THBS4: variants seen among roughly 807,000 people sequenced by gnomAD.
The protein encoded by THBS4 is thrombospondin-4.
In THBS4, 90 loss-of-function variants were observed where a neutral mutation model predicts 115.7. The observed-to-expected ratio is 0.78, with a 90% CI of 0.66 to 0.93. The LOEUF (loss-of-function observed/expected upper bound fraction) is 0.93. THBS4 is among the 40% of genes least tolerant of loss of function. THBS4 has a pLI of 0.00. For synonymous variants in THBS4, 460 were observed against 479.3 expected (o/e 0.96, Z 0.53); for missense variants, 1,087 against 1,232.7 (o/e 0.88, Z 1.77).
chr5:80,031,537 G>A (rs1276796520), upstream of THBS4, among the ~76,000 whole-genome samples: 2 of 152,192 alleles, frequency 1.3e-5, no homozygotes, highest in African/African-American at 2.4e-5. Flanking sequence ...TCACACATCT[G>A]GAGTCAACTA....
At chr5:80,083,010 C>A in intron 21 of THBS4, 70 bp from the exon 22 acceptor site, 4 of 1,437,876 alleles carry the variant, frequency 2.8e-6, no homozygotes, top group Non-Finnish European at 3.9e-6. Context: ...ACGCCTGAGC[C>A]GCGGGCGGGG....
chr5:80,034,533 A>G (rs1424843955), upstream of THBS4, among the ~76,000 whole-genome samples: 2 of 152,170 alleles, frequency 1.3e-5, no homozygotes, highest in Non-Finnish European at 2.9e-5. Context: ...CAGGAAAAGG[A>G]CGAATTACTT....
intron 1 of THBS4, among the ~76,000 whole-genome samples, chr5:79,997,379 T>C (rs1385158703): frequency 2.6e-5 from 4 of 151,936 alleles, no homozygotes; most frequent in African/African-American, 4.8e-5. Flanking sequence ...AAAAAAGTAG[T>C]ATGCGTGTAT....
chr5:79,994,175 G>T (rs189543900), intron 1 of THBS4, among the ~76,000 whole-genome samples: 2 of 152,278 alleles, frequency 1.3e-5, no homozygotes, highest in African/African-American at 4.8e-5. Flanking sequence ...AACATAACTT[G>T]CTTTATCTCC....
intron 1 of THBS4, among the ~76,000 whole-genome samples, chr5:80,037,713 T>G (rs1237038640): frequency 6.6e-6 from 1 of 152,222 alleles, no homozygotes; most frequent in Non-Finnish European, 1.5e-5. Context: ...AGAATTTTGT[T>G]TTGAATGTAG....
Position 80,003,527 on chromosome 5 carries a change from A to G in THBS4, n.177+5100A>G, listed in dbSNP as rs1158088594. Among the ~76,000 whole-genome samples, 3 of 152,308 alleles carry G rather than the reference A, an allele frequency of 2.0e-5. No individual in the cohort carries two copies. In the East Asian group the frequency reaches 5.8e-4, roughly 29 times the overall value. On this transcript the variant is annotated intron_variant and non_coding_transcript_variant, in intron 2 of 3. Transcript: ENST00000510218. ...TCACCAAATGGTTCAAGCAGCTGCC[A>G]TGGTATTCTCATCTCTACTTCCCAG...
intron 2 of THBS4, among the ~76,000 whole-genome samples, chr5:80,011,264 T>C (rs1255308194): frequency 6.6e-6 from 1 of 152,050 alleles, no homozygotes; most frequent in Admixed American, 6.6e-5. Context: ...TTAAACGTCT[T>C]TCTTTTGTAA....
At chr5:80,059,533 T>G (rs1470021602) in intron 6 of THBS4, 42 bp downstream of exon 6, 1 of 1,610,956 alleles carries the variant, frequency 6.2e-7, no homozygotes, top group Admixed American at 1.7e-5. Flanking sequence ...AGTTGGATGA[T>G]GCAGGCTGAT....
intron 1 of THBS4, among the ~76,000 whole-genome samples, chr5:79,997,322 A>G (rs1056614777): frequency 1.3e-5 from 2 of 152,086 alleles, no homozygotes; most frequent in African/African-American, 4.8e-5. Flanking sequence ...GGTAGATGGA[A>G]CCTAAAAGGA....
At chr5:80,027,834 C>T (rs973472336) in intron 2 of THBS4, among the ~76,000 whole-genome samples, 7 of 136,150 alleles carry the variant, frequency 5.1e-5, no homozygotes, top group Admixed American at 1.7e-4. Context: ...GTTGAGGCTG[C>T]AGTGAGCCGA....
intron 3 of THBS4, 64 bp from the exon 4 acceptor site, chr5:80,058,142 T>C (rs1833491520): frequency 2.4e-6 from 3 of 1,263,622 alleles, no homozygotes; most frequent in Middle Eastern, 1.8e-4. Context: ...ATTGCGTGAG[T>C]AGGCAAGCAC....
At chr5:80,080,329 G>C in intron 20 of THBS4, 1 of 444,110 alleles carries the variant, frequency 2.3e-6, no homozygotes, top group Admixed American at 3.3e-5. Context: ...ACGACCCAGC[G>C]TTGTGGGGTT....
At chr5:80,077,835 A>G (rs112572797) in intron 16 of THBS4, among the ~76,000 whole-genome samples, 138 of 152,226 alleles carry the variant, frequency 9.1e-4, no homozygotes, top group Middle Eastern at 3.4e-3. Flanking sequence ...CTCTGGGAGG[A>G]CTGGCCTGGT....
chr5:80,077,814 C>T (rs1350715205), intron 16 of THBS4, among the ~76,000 whole-genome samples: 1 of 152,172 alleles, frequency 6.6e-6, no homozygotes, highest in East Asian at 1.9e-4. Flanking sequence ...TCAAATTGAT[C>T]TTTCAAAAAA....
intron 2 of THBS4, among the ~76,000 whole-genome samples, chr5:80,020,483 AAAAC>A (rs945978251): frequency 1.4e-4 from 22 of 152,148 alleles, no homozygotes; most frequent in African/African-American, 2.7e-4. Flanking sequence ...CAAAAAACAA[AAAAC>A]AAACAAACAA....
intron 2 of THBS4, among the ~76,000 whole-genome samples, chr5:80,042,237 A>C (rs1251872978): frequency 6.6e-6 from 1 of 152,200 alleles, no homozygotes; most frequent in African/African-American, 2.4e-5. Flanking sequence ...CTTGAATCAA[A>C]CAGCCCCATT....
rs1027069899 is a variant in THBS4 at position 80,016,352 on chromosome 5, T to G, written n.177+17925T>G. Among the ~76,000 whole-genome samples the G allele has an allele frequency of 3.3e-5, 5 of 152,334 alleles. No homozygotes were observed. In the East Asian group the frequency reaches 9.6e-4, roughly 29 times the overall value. On this transcript the variant is annotated intron_variant and non_coding_transcript_variant, in intron 2 of 3. Transcript: ENST00000510218. ...ACCCCATTGTTGCCTTCCTCCCATATAACACCTACACTGTAGTGTTGAAAT... is the reference window on the plus strand; with the variant it reads ...ACCCCATTGTTGCCTTCCTCCCATAGAACACCTACACTGTAGTGTTGAAAT...
chr5:80,021,851 C>T (rs540059550), intron 2 of THBS4, among the ~76,000 whole-genome samples: 3 of 152,208 alleles, frequency 2.0e-5, no homozygotes, highest in South Asian at 2.1e-4. Flanking sequence ...TTTGTAGGCT[C>T]AAAATTTCCA....
rs67048630 is a variant in THBS4, at chr5:80,080,579, C to CTTTTTTTTTTTTTTT, written c.2684+513_2684+527dup. ...AACTGCATGAGAGCAGCGCTTGTAT[C>CTTTTTTTTTTTTTTT]TTTTTTTTTTTTTTTTTTTTTTTTT... On this transcript the variant is annotated intron_variant, in intron 20 of 21. Transcript: ENST00000350881. Among the ~76,000 whole-genome samples, 496 of 50,490 alleles carry CTTTTTTTTTTTTTTT rather than the reference C, an allele frequency of 9.8e-3. 84 individuals carry two copies. Among genetic ancestry groups the CTTTTTTTTTTTTTTT allele is most frequent in the East Asian group, 0.015 (16 of 1,052 alleles). 33.1% of individuals were successfully genotyped at this position (50,490 alleles called of 152,430 possible). A position where few individuals can be genotyped will look rare whatever the true frequency, so the allele number is the denominator to read the frequency against.
Sources: gnomAD v4.1 joint callset for allele counts (sites outside exome capture counted in the v4.1 genomes callset) on GRCh38, gnomAD v4.1.1 for gene constraint, MANE v1.5 for transcripts, NCBI Gene and HGNC (gene_info 2026-07-23, HGNC 2026-07-21) for gene names.